The following NOS1AP variants were observed in gnomAD, a reference collection of about 807,000 sequenced individuals.
NOS1AP encodes the protein nitric oxide synthase 1 adaptor protein.
A neutral mutation model predicts 56.2 loss-of-function variants in NOS1AP; 21 were observed. The observed-to-expected ratio is 0.37, with a 90% CI of 0.26 to 0.54. NOS1AP has a LOEUF of 0.54. Among genes scored for constraint, NOS1AP ranks in the 20% least tolerant of loss-of-function variants. The pLI is 0.84. For missense variants in NOS1AP, 522 were observed against 657.8 expected (o/e 0.79, Z 2.26); for synonymous variants, 270 against 274.6 (o/e 0.98, Z 0.17).
At chr1:162,269,557 T>A (rs956818110) in intron 2 of NOS1AP, among the ~76,000 whole-genome samples, 1 of 152,202 alleles carries the variant, frequency 6.6e-6, no homozygotes, top group Non-Finnish European at 1.5e-5. Flanking sequence ...TTGGAGAAAA[T>A]TAAAAGGAAC....
intron 2 of NOS1AP, among the ~76,000 whole-genome samples, chr1:162,160,475 GGGC>G (rs1650154418): frequency 6.6e-6 from 1 of 152,154 alleles, no homozygotes; most frequent in Admixed American, 6.5e-5. Flanking sequence ...ACTGGTGGAC[GGGC>G]GGCTTTATGG....
At chr1:162,316,868 C>G (rs781554933) in intron 4 of NOS1AP, 2 of 159,172 alleles carry the variant, frequency 1.3e-5, no homozygotes, top group Non-Finnish European at 2.7e-5. Flanking sequence ...ATTTTCACTT[C>G]TTTTGTGGAT....
At chr1:162,330,817 A>G (rs1322379405) in intron 4 of NOS1AP, among the ~76,000 whole-genome samples, 1 of 152,220 alleles carries the variant, frequency 6.6e-6, no homozygotes, top group African/African-American at 2.4e-5. Flanking sequence ...TAGATGATCA[A>G]TAGCTTGGAG....
At chr1:162,186,281 A>G (rs1571109948) in intron 2 of NOS1AP, among the ~76,000 whole-genome samples, 1 of 152,066 alleles carries the variant, frequency 6.6e-6, no homozygotes, top group Non-Finnish European at 1.5e-5. Context: ...TGGGTGTTTA[A>G]CCCTGTGAGA....
At position 162,070,050 on chromosome 1, in the gene NOS1AP, C is replaced by G. The variant is rs1691626852; in HGVS notation, c.-128C>G. 1.5e-6 allele frequency: 1 copy of G among 668,196 alleles called. No individual in the cohort carries two copies. The highest frequency in any genetic ancestry group is 3.5e-5 in the East Asian group (1 of 28,340). 41.4% of individuals were successfully genotyped at this position (668,196 alleles called of 1,614,324 possible). A position where few individuals can be genotyped will look rare whatever the true frequency, so the allele number is the denominator to read the frequency against. The stretch of plus-strand genomic sequence containing the variant: ...TCCGGCCGCCGCGCGGCCAGGGCTC[C>G]CCCTGCCCAGCGCTCCCAGGCCCCG... On this transcript the variant is annotated 5_prime_UTR_variant, in exon 1 of 10. Coordinates refer to ENST00000361897, the MANE Select transcript of NOS1AP (RefSeq NM_014697.3).
chr1:162,327,349 A>C (rs1302686995), intron 4 of NOS1AP, among the ~76,000 whole-genome samples: 1 of 152,258 alleles, frequency 6.6e-6, no homozygotes, highest in African/African-American at 2.4e-5. Flanking sequence ...CCTGAAAAAT[A>C]TGATTGCAAA....
rs372544691 is a variant in NOS1AP, at chr1:162,075,994, T to C, written c.105+5712T>C. Among the ~76,000 whole-genome samples, 254 of 152,348 alleles carry C rather than the reference T, an allele frequency of 1.7e-3. 2 individuals are homozygous for C. The highest frequency in any genetic ancestry group is 9.3e-3 in the South Asian group (45 of 4,826). ...CCTTTGCCCACAATGTCCCAGTCCT[T>C]TTTAGTGGTCAAAATCATGCAGCCA... On this transcript the variant is annotated intron_variant, in intron 1 of 9. Coordinates refer to ENST00000361897, the MANE Select transcript of NOS1AP (RefSeq NM_014697.3).
chr1:162,366,923 GC>G, intron 9 of NOS1AP, 128 bp from the exon 10 acceptor site: 1 of 1,026,742 alleles, frequency 9.7e-7, no homozygotes, highest in Non-Finnish European at 1.5e-6. Flanking sequence ...GAGACCCAAA[GC>G]CCGGAGAGGT....
intron 2 of NOS1AP, among the ~76,000 whole-genome samples, chr1:162,247,396 G>A (rs1653699208): frequency 6.6e-6 from 1 of 152,140 alleles, no homozygotes; most frequent in African/African-American, 2.4e-5. Context: ...GCCATATCCG[G>A]TAGCACCTGA....
At chr1:162,355,927 C>A (rs1657690469) in intron 7 of NOS1AP, among the ~76,000 whole-genome samples, 2 of 152,194 alleles carry the variant, frequency 1.3e-5, no homozygotes, top group Admixed American at 1.3e-4. Context: ...AATTAAGAAA[C>A]TAAGAACTTG....
chr1:162,110,409 T>G (rs1427466365), intron 1 of NOS1AP, among the ~76,000 whole-genome samples: 1 of 152,082 alleles, frequency 6.6e-6, no homozygotes, highest in Non-Finnish European at 1.5e-5. Flanking sequence ...AATTTGTTGC[T>G]TTAGAATTTC....
intron 2 of NOS1AP, among the ~76,000 whole-genome samples, chr1:162,207,192 A>G (rs1422158180): frequency 6.6e-6 from 1 of 152,252 alleles, no homozygotes; most frequent in Admixed American, 6.5e-5. Flanking sequence ...ATTCTATACC[A>G]GCATCCTTGC....
At position 162,188,097 on chromosome 1, in the gene NOS1AP, C is replaced by G. The variant is rs1651500786; in HGVS notation, c.177+33621C>G. 6.6e-6 allele frequency among the ~76,000 whole-genome samples: 1 copy of G among 152,224 alleles called. No individual in the cohort carries two copies. The highest frequency in any genetic ancestry group is 1.5e-5 in the Non-Finnish European group (1 of 68,046). On this transcript the variant is annotated intron_variant, in intron 2 of 9. Coordinates refer to ENST00000361897, the MANE Select transcript of NOS1AP (RefSeq NM_014697.3). This position sits in a 1 kb window ranked among gnomAD's most constrained non-coding sequence, Gnocchi z 4.0. ...CAAAACCAGTTTAATTACCCATTGA[C>G]TGTTTTCCCATCTGCCTAGTAGGGA...
In NOS1AP at chr1:162,367,188, T is replaced by C. The variant is rs372197030; in HGVS notation, c.1242T>C (p.Pro414=). ...CGGGCTTGGCTGACTTTGCCCACCC[T>C]GCGGGCAGCCCCTTAGGTAGGCGCG... ...LGAGLADFAH[P]AGSPLGRRDC... Residue 414 remains proline (P), a synonymous_variant, in exon 10 of 10, where the codon CCT becomes CCC. Transcript: ENST00000361897. The surrounding 1 kb of genome is among the most constrained non-coding windows in gnomAD (Gnocchi z 6.5). The C allele has an allele frequency of 3.1e-6, 5 of 1,613,742 alleles. No homozygotes were observed. The African/African-American group carries it at 6.7e-5, about 22-fold the overall frequency.
At chr1:162,090,505 C>A (rs1204738829) in intron 1 of NOS1AP, among the ~76,000 whole-genome samples, 3 of 152,022 alleles carry the variant, frequency 2.0e-5, no homozygotes, top group Non-Finnish European at 4.4e-5. Flanking sequence ...TCACAGACTA[C>A]TGTTTTTAGA....
chr1:162,296,769 G>T (rs1178294917), intron 3 of NOS1AP, among the ~76,000 whole-genome samples: 1 of 152,180 alleles, frequency 6.6e-6, no homozygotes, highest in Admixed American at 6.5e-5. Flanking sequence ...GAAGAGTCTT[G>T]CCCAGCTTAG....
Position 162,299,181 on chromosome 1 carries a change from G to T in NOS1AP, c.271-1452G>T, listed in dbSNP as rs146318808. Among the ~76,000 whole-genome samples the T allele has an allele frequency of 6.8e-3, 1,030 of 152,318 alleles. 11 individuals are homozygous for T. Among genetic ancestry groups the T allele is most frequent in the African/African-American group, 0.023 (949 of 41,566 alleles). On this transcript the variant is annotated intron_variant, in intron 3 of 9. Coordinates refer to ENST00000361897, the MANE Select transcript of NOS1AP (RefSeq NM_014697.3). ...TGCATCAGTTGGAAAGCAGCCTAAT[G>T]TGTGCTCATTATGAGGTCATTAAAA... is the stretch of plus-strand genomic sequence containing the variant.
chr1:162,136,291 T>TTTA lies in NOS1AP; in HGVS notation c.106-18113_106-18111dup, dbSNP rs1558116460. ...GGATTCTTTATTTATTTATTTATTT[T>TTTA]TTAATGTATGGTGTTATTTGACCAA... On this transcript the variant is annotated intron_variant, in intron 1 of 9. Transcript: ENST00000361897. Among the ~76,000 whole-genome samples, 50 of 152,142 alleles carry TTTA rather than the reference T, an allele frequency of 3.3e-4. 1 individual carries two copies. Among genetic ancestry groups the TTTA allele is most frequent in the African/African-American group, 1.2e-3 (48 of 41,438 alleles).
chr1:162,105,656 G>C (rs539993378), intron 1 of NOS1AP, among the ~76,000 whole-genome samples: 4 of 152,344 alleles, frequency 2.6e-5, no homozygotes, highest in African/African-American at 9.6e-5. Flanking sequence ...GAATGGATCA[G>C]GGTCCTGCTT....
Sources: allele counts gnomAD v4.1 joint callset (sites outside exome capture counted in the v4.1 genomes callset), GRCh38; gene constraint gnomAD v4.1.1; non-coding constraint Gnocchi (gnomAD v3.1); transcripts MANE v1.5; gene names NCBI Gene and HGNC (gene_info 2026-07-23, HGNC 2026-07-21).